KIF5C: variants seen among roughly 807,000 people sequenced by gnomAD.
KIF5C encodes the protein kinesin heavy chain isoform 5C.
Under a neutral mutation model 125.2 loss-of-function variants are expected in KIF5C, and 18 were observed. The ratio of observed to expected loss-of-function variants is 0.14; its 90% CI spans 0.10 to 0.21. The LOEUF (loss-of-function observed/expected upper bound fraction) is 0.21, where lower values mean the gene tolerates loss of function less well. Ranked by LOEUF, KIF5C falls within the 10% of genes least tolerant of loss-of-function variation. The pLI, the probability that KIF5C is intolerant of heterozygous loss-of-function variation, is 1.00. For missense variants in KIF5C, 780 were observed against 1,183.8 expected, an observed-to-expected ratio of 0.66 and a Z score of 5.01; for synonymous variants, 405 against 434.0, an observed-to-expected ratio of 0.93 and a Z score of 0.83.
chr2:148,944,797 C>G (rs952313400), intron 7 of KIF5C, among the ~76,000 whole-genome samples: 1 of 152,126 alleles, frequency 6.6e-6, no homozygotes, highest in Non-Finnish European at 1.5e-5. Context: ...TTCCATTTCT[C>G]TATATCCTTG....
At chr2:148,994,377 G>A in intron 16 of KIF5C, 44 bp from the exon 17 acceptor site, 1 of 1,540,638 alleles carries the variant, frequency 6.5e-7, no homozygotes, top group Non-Finnish European at 8.8e-7. Context: ...CAGCCTGGAT[G>A]ACCACTTGCT....
intron 8 of KIF5C, among the ~76,000 whole-genome samples, chr2:148,949,331 G>A (rs891929195): frequency 1.3e-5 from 2 of 152,088 alleles, no homozygotes; most frequent in Non-Finnish European, 2.9e-5. Context: ...CTTGCTATGA[G>A]AATAAGTAGG....
In KIF5C at chr2:149,025,787, A is replaced by G. The variant is rs151010426; in HGVS notation, c.*2717A>G. On this transcript the variant is annotated 3_prime_UTR_variant, in exon 26 of 26. Transcript: ENST00000435030. ...GATTTATGTCTGGGAACTAAAATAT[A>G]TAATGCCAAATGTGTTTTTGTCAAT... 198 of 152,746 alleles carry G rather than the reference A, an allele frequency of 1.3e-3. 1 individual carries two copies. Among genetic ancestry groups the G allele is most frequent in the African/African-American group, 4.1e-3 (171 of 41,584 alleles). The allele number at this position is 152,746 out of a possible 1,614,324, so 9.5% of individuals were successfully genotyped here.
chr2:148,951,770 A>G (rs1005936578), intron 10 of KIF5C, among the ~76,000 whole-genome samples: 1 of 152,114 alleles, frequency 6.6e-6, no homozygotes, highest in African/African-American at 2.4e-5. Flanking sequence ...TGCACAGAGC[A>G]CTTCCCTGCC....
chr2:148,909,415 A>G (rs1485596297), intron 1 of KIF5C, among the ~76,000 whole-genome samples: 1 of 152,048 alleles, frequency 6.6e-6, no homozygotes, highest in Non-Finnish European at 1.5e-5. Flanking sequence ...CTTTGTTTTG[A>G]TTGGTTGTTT....
intron 10 of KIF5C, among the ~76,000 whole-genome samples, chr2:148,954,186 A>G (rs909512143): frequency 2.0e-5 from 3 of 152,106 alleles, no homozygotes; most frequent in African/African-American, 7.2e-5. Flanking sequence ...TCTTCCATTC[A>G]GTCGGGGTTG....
At chr2:148,958,329 C>T (rs746173755) in intron 10 of KIF5C, among the ~76,000 whole-genome samples, 4 of 152,148 alleles carry the variant, frequency 2.6e-5, no homozygotes, top group Non-Finnish European at 4.4e-5. Context: ...AGTCATTGCT[C>T]ATTCTCAGCA....
intron 12 of KIF5C, among the ~76,000 whole-genome samples, chr2:148,977,603 T>A (rs759879159): frequency 4.6e-5 from 7 of 152,190 alleles, no homozygotes; most frequent in Non-Finnish European, 1.0e-4. Flanking sequence ...ATTTCCCTAA[T>A]ATGATTTGTG....
At position 148,924,680 on chromosome 2, in the gene KIF5C, A is replaced by G. The variant is rs1424072756; in HGVS notation, c.217+2453A>G. On this transcript the variant is annotated intron_variant, in intron 2 of 25. Transcript: ENST00000435030. The surrounding 1 kb of genome is among the most constrained non-coding windows in gnomAD (Gnocchi z 4.0). The stretch of plus-strand genomic sequence containing the variant: ...GGAAGGCTCCTTTGGACGCCTAGGA[A>G]TTAAACACCATGGTAACTGGATGCT... Among the ~76,000 whole-genome samples, 2 of 152,172 alleles carry G rather than the reference A, an allele frequency of 1.3e-5. No homozygotes were observed. The highest frequency in any genetic ancestry group is 2.9e-5 in the Non-Finnish European group (2 of 68,022).
chr2:148,994,707 C>CTT lies in KIF5C; in HGVS notation c.2023+181_2023+182dup, dbSNP rs766023949. ...AGCGATTTCTTTTCTTTCTTTCTTT[C>CTT]TTTTTTTTTTTTTAAGATGGAGTCT... On this transcript the variant is annotated intron_variant, in intron 17 of 25. Transcript: ENST00000435030. Among the ~76,000 whole-genome samples, 3 of 144,024 alleles carry CTT rather than the reference C, an allele frequency of 2.1e-5. No homozygotes were observed. In the Admixed American group the frequency reaches 2.1e-4, roughly 10 times the overall value. 94.5% of individuals were successfully genotyped at this position (144,024 alleles called of 152,430 possible). A position where few individuals can be genotyped will look rare whatever the true frequency, so the allele number is the denominator to read the frequency against.
intron 9 of KIF5C, 30 bp downstream of exon 9, chr2:148,949,973 A>G: frequency 1.2e-6 from 2 of 1,600,294 alleles, no homozygotes; most frequent in African/African-American, 1.3e-5. Context: ...TCTATTAAGT[A>G]ATATTATGAG....
At chr2:148,941,576 A>C (rs1325020397) in intron 4 of KIF5C, 34 bp from the exon 5 acceptor site, 2 of 1,552,206 alleles carry the variant, frequency 1.3e-6, no homozygotes, top group Non-Finnish European at 1.7e-6. Flanking sequence ...ACACTGCGGC[A>C]TGTCTATTCC....
At position 148,876,130 on chromosome 2, in the gene KIF5C, C is replaced by T. The variant is rs1268640738; in HGVS notation, c.126+387C>T. Among the ~76,000 whole-genome samples, 1 of 152,230 alleles carries T rather than the reference C, an allele frequency of 6.6e-6. No homozygotes were observed. Among genetic ancestry groups the T allele is most frequent in the East Asian group, 1.9e-4 (1 of 5,188 alleles). On this transcript the variant is annotated intron_variant, in intron 1 of 25. Coordinates refer to ENST00000435030, the MANE Select transcript of KIF5C (RefSeq NM_004522.3). This position sits in a 1 kb window ranked among gnomAD's most constrained non-coding sequence, Gnocchi z 4.7. ...CCCTTTAAAGTGTGAGCTCTGCAAC[C>T]CGCAAATGCTTCTGGGCATCAATCA...
Position 148,941,666 on chromosome 2 carries a change from A to C in KIF5C, c.445+8A>C, listed in dbSNP as rs1399447778. 1.3e-6 allele frequency: 2 copies of C among 1,557,946 alleles called. No individual in the cohort carries two copies. Among genetic ancestry groups the C allele is most frequent in the Non-Finnish European group, 1.7e-6 (2 of 1,149,532 alleles). On this transcript the variant is annotated splice_region_variant and intron_variant, in intron 5 of 25. Coordinates refer to ENST00000435030, the MANE Select transcript of KIF5C (RefSeq NM_004522.3). The stretch of plus-strand genomic sequence containing the variant: ...TAAGGGACTTACTTGATGGTAAGTA[A>C]CCTCAGTGCTTGTCCTTTATTTGTT...
chr2:149,003,861 T>C (rs976321858), intron 21 of KIF5C, among the ~76,000 whole-genome samples: 1 of 152,172 alleles, frequency 6.6e-6, no homozygotes, highest in Non-Finnish European at 1.5e-5. Flanking sequence ...CCCTTTGGTG[T>C]GGTGGTGTTT....
chr2:148,921,858 G>A (rs1681798789), intron 1 of KIF5C, among the ~76,000 whole-genome samples: 1 of 152,020 alleles, frequency 6.6e-6, no homozygotes, highest in Non-Finnish European at 1.5e-5. Context: ...GTAAATATTT[G>A]TTTGAATGAA....
At chr2:148,962,190 G>C in intron 11 of KIF5C, 71 bp downstream of exon 11, 2 of 1,487,290 alleles carry the variant, frequency 1.3e-6, no homozygotes, top group Non-Finnish European at 1.8e-6. Context: ...TTTTGAGACA[G>C]AGTCTCTCTC....
chr2:148,906,695 T>C (rs1681121814), intron 1 of KIF5C, among the ~76,000 whole-genome samples: 1 of 151,496 alleles, frequency 6.6e-6, no homozygotes, highest in Admixed American at 6.6e-5. Flanking sequence ...TGAAACCCTG[T>C]GTCTACAAAA....
Position 148,924,561 on chromosome 2 carries a change from G to A in KIF5C, c.217+2334G>A, listed in dbSNP as rs572955118. Among the ~76,000 whole-genome samples, 1 of 152,240 alleles carries A rather than the reference G, an allele frequency of 6.6e-6. No homozygotes were observed. The highest frequency in any genetic ancestry group is 1.9e-4 in the East Asian group (1 of 5,188). ...ATGCTCCCATCTTTGTCTGGTGTTT[G>A]TTTTTCAAAATTTTGCTTGAAAAAG... On this transcript the variant is annotated intron_variant, in intron 2 of 25. Transcript: ENST00000435030. This position sits in a 1 kb window ranked among gnomAD's most constrained non-coding sequence, Gnocchi z 4.0.
Sources: allele counts gnomAD v4.1 joint callset (sites outside exome capture counted in the v4.1 genomes callset), GRCh38; gene constraint gnomAD v4.1.1; non-coding constraint Gnocchi (gnomAD v3.1); transcripts MANE v1.5; gene names NCBI Gene and HGNC (gene_info 2026-07-23, HGNC 2026-07-21).